The following CATSPERT variants were observed in gnomAD, a reference collection of about 807,000 sequenced individuals.
CATSPERT encodes the protein cation channel sperm-associated targeting subunit tau.
the CATSPERT span, among the ~76,000 whole-genome samples, chr2:201,523,574 T>G: frequency 2.0e-5 from 3 of 152,126 alleles, no homozygotes; most frequent in African/African-American, 7.2e-5. Flanking sequence ...CTCTGGCAAC[T>G]CTAAAAGCCA....
chr2:201,587,621 C>A, the CATSPERT span, among the ~76,000 whole-genome samples: 1 of 152,046 alleles, frequency 6.6e-6, no homozygotes, highest in Admixed American at 6.6e-5. Context: ...TTCTCATTAT[C>A]TTTTGTTTTC....
At chr2:201,538,706 G>A in the CATSPERT span, among the ~76,000 whole-genome samples, 1 of 151,988 alleles carries the variant, frequency 6.6e-6, no homozygotes, top group Non-Finnish European at 1.5e-5. Context: ...ACATGTGTTG[G>A]TTTGTTATAT....
chr2:201,545,502 TC>T, the CATSPERT span: 1 of 1,259,554 alleles, frequency 7.9e-7, no homozygotes, highest in Non-Finnish European at 1.1e-6. Context: ...CACTTTGATT[TC>T]AATTATCTTA....
the CATSPERT span, among the ~76,000 whole-genome samples, chr2:201,508,379 A>G: frequency 6.6e-6 from 1 of 152,366 alleles, no homozygotes; most frequent in South Asian, 2.1e-4. Flanking sequence ...ATAAATGAAG[A>G]TGTCAAAGTT....
the CATSPERT span, among the ~76,000 whole-genome samples, chr2:201,612,498 C>T: frequency 8.9e-5 from 13 of 145,610 alleles, no homozygotes; most frequent in Middle Eastern, 3.3e-3. Context: ...CACTTGAACC[C>T]GGGAGGCGGA....
chr2:201,552,160 T>G, the CATSPERT span, among the ~76,000 whole-genome samples: 8 of 152,018 alleles, frequency 5.3e-5, no homozygotes, highest in Non-Finnish European at 1.2e-4. Flanking sequence ...AAGTTTTGTA[T>G]TTTTTGTGAC....
the CATSPERT span, among the ~76,000 whole-genome samples, chr2:201,545,035 T>C: frequency 1.3e-5 from 2 of 151,686 alleles, no homozygotes; most frequent in South Asian, 2.1e-4. Flanking sequence ...TAAAGCAACA[T>C]TAAAACGTCT....
At chr2:201,585,094 A>C in the CATSPERT span, among the ~76,000 whole-genome samples, 3 of 152,300 alleles carry the variant, frequency 2.0e-5, no homozygotes, top group Admixed American at 6.5e-5. Context: ...TTTCATTCAA[A>C]AATGAGAATG....
chr2:201,612,937 G>A, the CATSPERT span, among the ~76,000 whole-genome samples: 818 of 152,270 alleles, frequency 5.4e-3, 7 homozygotes, highest in African/African-American at 0.019. Flanking sequence ...CCACGCCCAC[G>A]GAGCTTTGCT....
chr2:201,604,608 T>C, the CATSPERT span: 1 of 1,582,616 alleles, frequency 6.3e-7, no homozygotes, highest in Non-Finnish European at 8.6e-7. Context: ...TACTCATACA[T>C]ACCACATCCC....
the CATSPERT span, among the ~76,000 whole-genome samples, chr2:201,514,483 C>T: frequency 8.5e-5 from 13 of 152,122 alleles, no homozygotes; most frequent in African/African-American, 2.9e-4. Flanking sequence ...AATCCAGCAC[C>T]TATTATTCAT....
the CATSPERT span, among the ~76,000 whole-genome samples, chr2:201,559,698 A>C: frequency 2.0e-5 from 3 of 152,350 alleles, no homozygotes; most frequent in Admixed American, 2.0e-4. Context: ...AACTATGTGA[A>C]GACTAAACTA....
the CATSPERT span, chr2:201,571,865 ATGCTCCACCAAAT>A: frequency 1.5e-6 from 2 of 1,359,912 alleles, no homozygotes; most frequent in East Asian, 4.7e-5. Flanking sequence ...CTCCACCAAA[ATGCTCCACCAAAT>A]GGATTAAAAT....
chr2:201,593,182 T>C, the CATSPERT span, among the ~76,000 whole-genome samples: 1 of 152,142 alleles, frequency 6.6e-6, no homozygotes. Flanking sequence ...GTATGTTGTA[T>C]CTTTGTTCTC....
the CATSPERT span, chr2:201,575,430 G>A: frequency 5.5e-6 from 4 of 731,648 alleles, no homozygotes; most frequent in Non-Finnish European, 8.1e-6. Flanking sequence ...ACTGGTGCTG[G>A]TCCATGGCCC....
the CATSPERT span, among the ~76,000 whole-genome samples, chr2:201,524,549 AAAC>A: frequency 6.6e-6 from 1 of 152,150 alleles, no homozygotes; most frequent in African/African-American, 2.4e-5. Context: ...TGACACTATA[AAAC>A]AACTACACAA....
the CATSPERT span, chr2:201,537,605 G>A: frequency 2.9e-6 from 2 of 700,438 alleles, no homozygotes; most frequent in Non-Finnish European, 4.5e-6. Context: ...AATCAAAGCA[G>A]CTATCCAAAC....
chr2:201,500,921 T>A, the CATSPERT span, among the ~76,000 whole-genome samples: 1 of 152,048 alleles, frequency 6.6e-6, no homozygotes, highest in Non-Finnish European at 1.5e-5. Flanking sequence ...ATTAGAAAAT[T>A]CACAAACATT....
At chr2:201,553,118 T>A in the CATSPERT span, 1 of 152,176 alleles carries the variant, frequency 6.6e-6, no homozygotes, top group Non-Finnish European at 1.5e-5. Flanking sequence ...ATATCACATG[T>A]TTTTTTCTGA....
Sources: allele counts gnomAD v4.1 joint callset (sites outside exome capture counted in the v4.1 genomes callset), GRCh38; gene constraint gnomAD v4.1.1; transcripts MANE v1.5; gene names NCBI Gene and HGNC (gene_info 2026-07-23, HGNC 2026-07-21).